Variants in SH3KBP1 observed in about 807,000 individuals in gnomAD.
SH3KBP1 encodes SH3 domain containing kinase binding protein 1.
SH3KBP1 carries 8 observed loss-of-function variants against 50.1 expected under a neutral mutation model. The observed-to-expected ratio is 0.16, with a 90% CI of 0.09 to 0.29. The LOEUF is 0.29. Ranked by LOEUF, SH3KBP1 falls within the 10% of genes least tolerant of loss-of-function variation. The pLI is 1.00. For synonymous variants in SH3KBP1, 227 were observed against 218.6 expected, an observed-to-expected ratio of 1.04 and a Z score of -0.34; for missense variants, 377 against 535.2, an observed-to-expected ratio of 0.70 and a Z score of 2.92.
At chrX:19,651,120 G>A (rs1012175923) in intron 6 of SH3KBP1, among the ~76,000 whole-genome samples, 5 of 110,475 alleles carry the variant, frequency 4.5e-5, no homozygotes, top group Non-Finnish European at 7.6e-5. Flanking sequence ...CTTGGCTCTC[G>A]GTGAGGAGTG....
intron 2 of SH3KBP1, among the ~76,000 whole-genome samples, chrX:19,785,296 C>T (rs980215428): frequency 3.7e-5 from 4 of 108,442 alleles, no homozygotes; most frequent in African/African-American, 1.4e-4. Flanking sequence ...GGTGAGCGGA[C>T]TGCTTGAGCC....
chrX:19,720,131 C>T (rs1413464155), intron 3 of SH3KBP1, among the ~76,000 whole-genome samples: 1 of 110,719 alleles, frequency 9.0e-6, no homozygotes, highest in Non-Finnish European at 1.9e-5. Context: ...CACCAGCCTT[C>T]CCTTCCAATC....
At chrX:19,621,073 C>CT (rs1186690221) in intron 8 of SH3KBP1, among the ~76,000 whole-genome samples, 912 of 32,625 alleles carry the variant, frequency 0.028, 22 homozygotes, top group African/African-American at 0.065. Flanking sequence ...TCTTTTCTTT[C>CT]TTTTTTTTTT....
chrX:19,557,914 T>C (rs1435863518), intron 13 of SH3KBP1, among the ~76,000 whole-genome samples: 1 of 112,064 alleles, frequency 8.9e-6, no homozygotes, highest in Non-Finnish European at 1.9e-5. Context: ...TTAGCAATGA[T>C]AGCATGGGGA....
chrX:19,764,986 CTT>C (rs34368819), intron 2 of SH3KBP1, among the ~76,000 whole-genome samples: 4 of 44,549 alleles, frequency 9.0e-5, no homozygotes, highest in African/African-American at 3.8e-4. Flanking sequence ...TTTTGCAGTT[CTT>C]TTTTTTTTTT....
At chrX:19,794,230 C>CAAAAAAAAAA (rs1218495525) in intron 2 of SH3KBP1, among the ~76,000 whole-genome samples, 1 of 27,320 alleles carries the variant, frequency 3.7e-5, no homozygotes. Flanking sequence ...CCTGTCTCTA[C>CAAAAAAAAAA]AAAAAAAAAA....
chrX:19,755,623 A>G (rs1259181086), intron 2 of SH3KBP1, among the ~76,000 whole-genome samples: 1 of 111,537 alleles, frequency 9.0e-6, no homozygotes, highest in Non-Finnish European at 1.9e-5. Flanking sequence ...ATTCACGATG[A>G]GAGAAGAGAG....
chrX:19,773,856 GAAAAAAAAAAAAAA>G (rs59381892), intron 2 of SH3KBP1, among the ~76,000 whole-genome samples: 11 of 14,921 alleles, frequency 7.4e-4, no homozygotes, highest in South Asian at 4.3e-3. Context: ...ACTCCGGCTC[GAAAAAAAAAAAAAA>G]AAAAAAAAAA....
chrX:19,649,320 G>A (rs1438821621), intron 6 of SH3KBP1, among the ~76,000 whole-genome samples: 1 of 111,699 alleles, frequency 9.0e-6, no homozygotes, highest in African/African-American at 3.3e-5. Context: ...TTATAGAACA[G>A]ACTCTCAGGT....
rs186686042 is a variant in SH3KBP1, at chrX:19,562,120, T to G, written c.1384+6983A>C. 2.6e-3 allele frequency among the ~76,000 whole-genome samples: 286 copies of G among 111,715 alleles called. 1 individual carries two copies. Among genetic ancestry groups the G allele is most frequent in the Non-Finnish European group, 4.4e-3 (234 of 53,142 alleles). ...CCAAGGTTTCCAGAACATGCTTTAA[T>G]GAGAGTCCATGGCTAAATAAGGATT... On this transcript the variant is annotated intron_variant, in intron 13 of 17. Coordinates refer to ENST00000397821, the MANE Select transcript of SH3KBP1 (RefSeq NM_031892.3).
chrX:19,723,142 C>CAAAAAAAAAAAAAAAAAAAAAAAAAAAA (rs61434855), intron 3 of SH3KBP1, among the ~76,000 whole-genome samples: 1 of 31,128 alleles, frequency 3.2e-5, no homozygotes, highest in Non-Finnish European at 7.4e-5. Context: ...GACTCCGTCT[C>CAAAAAAAAAAAAAAAAAAAAAAAAAAAA]AAAAAAAAAA....
chrX:19,658,743 G>C (rs2062363537), intron 6 of SH3KBP1, among the ~76,000 whole-genome samples: 1 of 110,362 alleles, frequency 9.1e-6, no homozygotes, highest in African/African-American at 3.3e-5. Flanking sequence ...ATTTTTAGTA[G>C]AGATGGGGTT....
chrX:19,852,420 T>G (rs750642711), intron 1 of SH3KBP1, among the ~76,000 whole-genome samples: 1 of 110,629 alleles, frequency 9.0e-6, no homozygotes, highest in South Asian at 3.9e-4. Context: ...TTGGAGTAAT[T>G]TGTCACACAG....
chrX:19,798,242 T>G (rs1016725677), intron 2 of SH3KBP1, among the ~76,000 whole-genome samples: 3 of 109,226 alleles, frequency 2.7e-5, no homozygotes, highest in Non-Finnish European at 3.8e-5. Context: ...GTGTCACCAT[T>G]CCTGGCTAAT....
chrX:19,851,202 T>C (rs1298866777), intron 1 of SH3KBP1, among the ~76,000 whole-genome samples: 1 of 112,440 alleles, frequency 8.9e-6, no homozygotes, highest in Non-Finnish European at 1.9e-5. Context: ...ACAAGGCACC[T>C]TTCAGTGCTA....
intron 2 of SH3KBP1, among the ~76,000 whole-genome samples, chrX:19,774,650 AAAAAAAAGAAAGAAAGAAAG>A (rs2065905896): frequency 1.6e-5 from 1 of 63,480 alleles, no homozygotes; most frequent in Non-Finnish European, 3.1e-5. Context: ...CCCTGTCTCA[AAAAAAAAGAAAGAAAGAAAG>A]AAAGAAAGAA....
intron 2 of SH3KBP1, among the ~76,000 whole-genome samples, chrX:19,787,584 G>A (rs1381871748): frequency 1.8e-5 from 2 of 111,605 alleles, no homozygotes; most frequent in East Asian, 2.8e-4. Flanking sequence ...GAAGGTGCCC[G>A]ACATCTCAAT....
intron 2 of SH3KBP1, among the ~76,000 whole-genome samples, chrX:19,796,351 T>C (rs963294018): frequency 8.9e-6 from 1 of 111,859 alleles, no homozygotes; most frequent in South Asian, 3.7e-4. Context: ...TGGTAAAAAC[T>C]GTCAACTCCC....
At chrX:19,643,304 TTTATTTTTTTTTTTTTTA>T (rs530461293) in intron 7 of SH3KBP1, among the ~76,000 whole-genome samples, 1,880 of 92,268 alleles carry the variant, frequency 0.02, 112 homozygotes, top group African/African-American at 0.09. Flanking sequence ...TGAAGAATTT[TTTATTTTTTTTTTTTTTA>T]TTTTTTTTTT....
Sources: gnomAD v4.1 joint callset for allele counts (sites outside exome capture counted in the v4.1 genomes callset) on GRCh38, gnomAD v4.1.1 for gene constraint, MANE v1.5 for transcripts, NCBI Gene and HGNC (gene_info 2026-07-23, HGNC 2026-07-21) for gene names.